The following CHODL variants were observed in gnomAD, a reference collection of about 807,000 sequenced individuals.
CHODL encodes transmembrane protein MT75.
In CHODL, 29 loss-of-function variants were observed where a neutral mutation model predicts 34.5. That is an observed-to-expected ratio of 0.84 (90% CI 0.63 to 1.15). CHODL has a LOEUF of 1.15. CHODL is among the 50% of genes most tolerant of loss of function. The pLI is 0.00. For missense variants in CHODL, 332 were observed against 332.5 expected (o/e 1.00, Z 0.01); for synonymous variants, 125 against 116.1 (o/e 1.08, Z -0.49).
intron 2 of CHODL, among the ~76,000 whole-genome samples, chr21:18,161,532 A>C (rs2146643616): frequency 6.6e-6 from 1 of 152,232 alleles, no homozygotes; most frequent in African/African-American, 2.4e-5. Flanking sequence ...CCACTCTGAG[A>C]GTCAGCCAAA....
chr21:18,195,831 G>A (rs2073581158), intron 2 of CHODL, among the ~76,000 whole-genome samples: 1 of 152,146 alleles, frequency 6.6e-6, no homozygotes, highest in South Asian at 2.1e-4. Context: ...GCACAGAAAA[G>A]TATTTAAATA....
chr21:17,932,422 G>T, intron 1 of CHODL, among the ~76,000 whole-genome samples: 1 of 152,142 alleles, frequency 6.6e-6, no homozygotes, highest in Non-Finnish European at 1.5e-5. Context: ...CTGAAAGTAG[G>T]ATCTACCATT....
At chr21:17,919,112 T>A (rs190432611) in intron 1 of CHODL, among the ~76,000 whole-genome samples, 4 of 152,144 alleles carry the variant, frequency 2.6e-5, no homozygotes, top group Non-Finnish European at 5.9e-5. Context: ...TGGTGTTGAG[T>A]GTCTGCGGCT....
At chr21:18,208,099 A>G (rs2073733035) in intron 2 of CHODL, among the ~76,000 whole-genome samples, 2 of 150,996 alleles carry the variant, frequency 1.3e-5, no homozygotes, top group African/African-American at 2.4e-5. Flanking sequence ...CTTGAATTAG[A>G]TTAAGATTTA....
intron 1 of CHODL, among the ~76,000 whole-genome samples, chr21:18,251,453 A>AT (rs920285115): frequency 5.7e-5 from 1 of 17,612 alleles, no homozygotes; most frequent in African/African-American, 1.6e-4. Context: ...AAAAATACAT[A>AT]TTTATTTTAT....
chr21:18,125,203 G>T, intron 2 of CHODL, among the ~76,000 whole-genome samples: 1 of 152,310 alleles, frequency 6.6e-6, no homozygotes, highest in East Asian at 1.9e-4. Flanking sequence ...CTGCTATAAG[G>T]ATTTACTGAA....
chr21:18,174,441 TA>T (rs1299626497), intron 2 of CHODL, among the ~76,000 whole-genome samples: 3 of 152,070 alleles, frequency 2.0e-5, no homozygotes, highest in Non-Finnish European at 4.4e-5. Context: ...TCAATAATTC[TA>T]AAATTCTTTA....
At chr21:17,938,247 A>G (rs1411861186) in intron 1 of CHODL, among the ~76,000 whole-genome samples, 2 of 152,242 alleles carry the variant, frequency 1.3e-5, no homozygotes, top group South Asian at 4.1e-4. Flanking sequence ...CTGTTGCTGT[A>G]CTAGAACGCT....
chr21:17,970,842 G>A (rs1285537883), intron 1 of CHODL, among the ~76,000 whole-genome samples: 1 of 151,962 alleles, frequency 6.6e-6, no homozygotes. Flanking sequence ...TCCATCAACC[G>A]GTCATCTACA....
intron 1 of CHODL, among the ~76,000 whole-genome samples, chr21:17,933,669 CTCTT>C (rs75576105): frequency 0.3 from 45,270 of 151,808 alleles, 8,236 homozygotes; most frequent in South Asian, 0.47. Flanking sequence ...AATCCGATCT[CTCTT>C]TCTTTTCCCC....
At chr21:18,265,746 ATGTTT>A (rs1167483427) in intron 5 of CHODL, among the ~76,000 whole-genome samples, 4 of 152,158 alleles carry the variant, frequency 2.6e-5, no homozygotes, top group African/African-American at 9.7e-5. Context: ...AGGAAAAGAT[ATGTTT>A]TGTTTTCTCT....
intron 2 of CHODL, among the ~76,000 whole-genome samples, chr21:18,193,579 C>T (rs146642826): frequency 7.3e-5 from 11 of 151,574 alleles, no homozygotes; most frequent in African/African-American, 2.4e-4. Flanking sequence ...GCCTGTAATC[C>T]CAGCTACTTG....
chr21:17,999,235 C>T (rs2063881764), intron 1 of CHODL, among the ~76,000 whole-genome samples: 1 of 152,212 alleles, frequency 6.6e-6, no homozygotes, highest in Non-Finnish European at 1.5e-5. Context: ...TCCTCATCTC[C>T]ATCTGAGACC....
chr21:17,941,711 G>A (rs1210410408), intron 1 of CHODL, among the ~76,000 whole-genome samples: 5 of 152,124 alleles, frequency 3.3e-5, no homozygotes, highest in Non-Finnish European at 5.9e-5. Flanking sequence ...CTACATACCT[G>A]TCTTAGTTCG....
chr21:18,058,338 T>C (rs2064610245), intron 2 of CHODL, among the ~76,000 whole-genome samples: 1 of 152,114 alleles, frequency 6.6e-6, no homozygotes, highest in Admixed American at 6.6e-5. Flanking sequence ...GATCCAGCAA[T>C]CCAACTATTA....
intron 2 of CHODL, among the ~76,000 whole-genome samples, chr21:18,061,756 G>A (rs1352017872): frequency 6.6e-6 from 1 of 152,202 alleles, no homozygotes; most frequent in Non-Finnish European, 1.5e-5. Context: ...GTAGGCATCA[G>A]CAAAGATATT....
intron 1 of CHODL, among the ~76,000 whole-genome samples, chr21:17,987,587 C>G (rs2063763469): frequency 6.6e-6 from 1 of 152,036 alleles, no homozygotes; most frequent in Non-Finnish European, 1.5e-5. Flanking sequence ...TCCTAGGTAA[C>G]CAGAGCATTT....
intron 1 of CHODL, among the ~76,000 whole-genome samples, chr21:18,252,258 C>T (rs2074266241): frequency 6.6e-6 from 1 of 152,050 alleles, no homozygotes; most frequent in South Asian, 2.1e-4. Context: ...TTCTCTGAAT[C>T]CTTATCTATC....
chr21:18,111,793 C>G (rs1491782), intron 2 of CHODL, among the ~76,000 whole-genome samples: 52,451 of 152,002 alleles, frequency 0.35, 10,006 homozygotes, highest in East Asian at 0.73. Context: ...CCATTGCTAC[C>G]AATATATCTT....
Sources: allele counts gnomAD v4.1 joint callset (sites outside exome capture counted in the v4.1 genomes callset), GRCh38; gene constraint gnomAD v4.1.1; transcripts MANE v1.5; gene names NCBI Gene and HGNC (gene_info 2026-07-23, HGNC 2026-07-21).